Variants in RILPL2 observed in about 807,000 individuals in gnomAD.
RILPL2 encodes the protein RILP-like protein 2.
RILPL2 carries 19 observed loss-of-function variants against 22.2 expected under a neutral mutation model. The ratio of observed to expected loss-of-function variants is 0.86; its 90% CI spans 0.60 to 1.25. RILPL2 has a LOEUF of 1.25. RILPL2 is among the 50% of genes most tolerant of loss of function. The pLI, the probability that RILPL2 is intolerant of heterozygous loss-of-function variation, is 0.00. For missense variants in RILPL2, 243 were observed against 263.6 expected, an observed-to-expected ratio of 0.92 and a Z score of 0.54; for synonymous variants, 123 against 111.6, an observed-to-expected ratio of 1.10 and a Z score of -0.64.
intron 1 of RILPL2, among the ~76,000 whole-genome samples, chr12:123,434,192 G>T (rs1160064791): frequency 6.6e-6 from 1 of 152,058 alleles, no homozygotes; most frequent in Non-Finnish European, 1.5e-5. Flanking sequence ...GCTGAGGTGG[G>T]CGTATCACTT....
At chr12:123,420,503 C>G (rs375121874) in intron 3 of RILPL2, among the ~76,000 whole-genome samples, 8 of 151,702 alleles carry the variant, frequency 5.3e-5, no homozygotes, top group East Asian at 1.9e-4. Context: ...GTGGTGCAAT[C>G]TCAGTTCACT....
intron 1 of RILPL2, among the ~76,000 whole-genome samples, chr12:123,432,237 GGCTCACGC>G (rs1172131336): frequency 6.6e-6 from 1 of 152,170 alleles, no homozygotes; most frequent in East Asian, 1.9e-4. Context: ...CAGGAATAGT[GGCTCACGC>G]CTGTAACCCC....
At chr12:123,414,944 A>AAAAG (rs1879072586), downstream of RILPL2, 1 of 151,786 alleles carries the variant, frequency 6.6e-6, no homozygotes, top group African/African-American at 2.4e-5. Context: ...AAAAAAAAAA[A>AAAAG]AAAAAAAATC....
intron 1 of RILPL2, among the ~76,000 whole-genome samples, chr12:123,433,103 AC>A (rs1879697781): frequency 7.2e-6 from 1 of 138,086 alleles, no homozygotes; most frequent in African/African-American, 2.6e-5. Flanking sequence ...TGGTTTGTAT[AC>A]TTTTTTTTTT....
chr12:123,430,961 A>C (rs1014710078), intron 1 of RILPL2, among the ~76,000 whole-genome samples: 1 of 151,896 alleles, frequency 6.6e-6, no homozygotes. Context: ...GGCCTCCCAA[A>C]GTGCTGGGAT....
intron 3 of RILPL2, among the ~76,000 whole-genome samples, chr12:123,422,022 A>ATTTTTC (rs1879298000): frequency 1.7e-5 from 1 of 60,150 alleles, no homozygotes; most frequent in South Asian, 7.2e-4. Flanking sequence ...TTTTTTTTTG[A>ATTTTTC]GATAGGGTCA....
At chr12:123,431,998 A>T (rs946267927) in intron 1 of RILPL2, among the ~76,000 whole-genome samples, 1 of 151,410 alleles carries the variant, frequency 6.6e-6, no homozygotes, top group African/African-American at 2.4e-5. Flanking sequence ...AGGTTTAAGC[A>T]ATTCTTCTGC....
At chr12:123,430,341 A>T (rs61953486) in intron 2 of RILPL2, among the ~76,000 whole-genome samples, 167 bp downstream of exon 2, 2 of 151,516 alleles carry the variant, frequency 1.3e-5, no homozygotes, top group African/African-American at 2.4e-5. Context: ...CCCGGGAGGC[A>T]GAGGTTGCAG....
In RILPL2 at chr12:123,436,445, C is replaced by G. The variant is rs1474198707; in HGVS notation, c.-25G>C. The G allele has an allele frequency of 6.5e-7, 1 of 1,540,440 alleles. No individual in the cohort carries two copies. The highest frequency in any genetic ancestry group is 8.7e-7 in the Non-Finnish European group (1 of 1,145,598). ...TGGCCACCCAGACCCCCGCCGACCT[C>G]GGAGCTGCTGTCTTGGAGTCTCCCA... is the stretch of plus-strand genomic sequence containing the variant. On this transcript the variant is annotated 5_prime_UTR_variant, in exon 1 of 4. Transcript: ENST00000280571. The surrounding 1 kb of genome is among the most constrained non-coding windows in gnomAD (Gnocchi z 6.7).
rs375570136 is a variant in RILPL2, at chr12:123,415,876, C to G, written c.*15G>C. The G allele has an allele frequency of 3.1e-6, 5 of 1,613,742 alleles. No homozygotes were observed. Among genetic ancestry groups the G allele is most frequent in the Non-Finnish European group, 4.2e-6 (5 of 1,179,762 alleles). ...TTCTAGAATCAGAGCCATAGCCTTA[C>G]TTGTGGCCTTGGATCTAGGTCTGTT... is the stretch of plus-strand genomic sequence containing the variant. On this transcript the variant is annotated 3_prime_UTR_variant, in exon 4 of 4. Transcript: ENST00000280571.
At chr12:123,419,300 G>A (rs1879209604) in intron 3 of RILPL2, among the ~76,000 whole-genome samples, 1 of 152,142 alleles carries the variant, frequency 6.6e-6, no homozygotes, top group African/African-American at 2.4e-5. Context: ...TGGGATTACA[G>A]GTGTGAGCTA....
chr12:123,416,184 C>T (rs1480903013), intron 3 of RILPL2, among the ~76,000 whole-genome samples: 4 of 151,208 alleles, frequency 2.6e-5, no homozygotes, highest in Non-Finnish European at 5.9e-5. Context: ...ATTAACCAGG[C>T]GTGGTGGCAT....
downstream of RILPL2, chr12:123,414,962 T>C (rs80104078): frequency 0.067 from 9,290 of 138,118 alleles, 427 homozygotes; most frequent in East Asian, 0.28. Flanking sequence ...ATCTATAAAC[T>C]GGTGCACCGG....
intron 3 of RILPL2, among the ~76,000 whole-genome samples, chr12:123,421,887 C>T (rs980907953): frequency 2.0e-5 from 3 of 151,624 alleles, no homozygotes; most frequent in African/African-American, 7.3e-5. Context: ...AGGCTGGTCT[C>T]GAACTCCTGA....
At chr12:123,434,616 TAG>T (rs909616767) in intron 1 of RILPL2, among the ~76,000 whole-genome samples, 6 of 151,668 alleles carry the variant, frequency 4.0e-5, no homozygotes, top group Non-Finnish European at 7.4e-5. Context: ...TTAGTAGAGA[TAG>T]AGTTTCACCA....
downstream of RILPL2, chr12:123,411,839 G>A (rs1163073752): frequency 6.6e-6 from 1 of 151,978 alleles, no homozygotes; most frequent in African/African-American, 2.4e-5. Context: ...CTACTTCTGA[G>A]CCTGTTCCTC....
the RILPL2 span, among the ~76,000 whole-genome samples, chr12:123,409,786 G>A: frequency 3.5e-5 from 5 of 141,060 alleles, no homozygotes; most frequent in South Asian, 6.6e-4. Flanking sequence ...GAGTGCAGTG[G>A]CATGATCTGG....
At chr12:123,411,359 G>C (rs28577594), downstream of RILPL2, 84,170 of 147,994 alleles carry the variant, frequency 0.57, 27,200 homozygotes, top group Non-Finnish European at 0.72. Context: ...ATGACTGCTG[G>C]CCAGGCACGG....
Position 123,415,739 on chromosome 12 carries a change from G to T in RILPL2, c.*152C>A. On this transcript the variant is annotated 3_prime_UTR_variant, in exon 4 of 4. Coordinates refer to ENST00000280571, the MANE Select transcript of RILPL2 (RefSeq NM_145058.3). ...AGCCAGGGAGAAAGTGATGCCAAGA[G>T]AACCTCGTCTCCTCCCTCCTCAGTC... The T allele has an allele frequency of 1.3e-6, 1 of 787,986 alleles. No homozygotes were observed. The allele number at this position is 787,986 out of a possible 1,614,324, so 48.8% of individuals were successfully genotyped here.
Sources: allele counts gnomAD v4.1 joint callset (sites outside exome capture counted in the v4.1 genomes callset), GRCh38; gene constraint gnomAD v4.1.1; non-coding constraint Gnocchi (gnomAD v3.1); transcripts MANE v1.5; gene names NCBI Gene and HGNC (gene_info 2026-07-23, HGNC 2026-07-21).